Variants in FHIT observed in about 807,000 individuals in gnomAD.
The protein encoded by FHIT is fragile histidine triad diadenosine triphosphatase.
FHIT carries 19 observed loss-of-function variants against 17.9 expected under a neutral mutation model. The observed-to-expected ratio is 1.06, with a 90% CI of 0.74 to 1.56. FHIT has a LOEUF of 1.56. FHIT is among the 40% of genes most tolerant of loss of function. FHIT has a pLI of 0.00. For synonymous variants in FHIT, 81 were observed against 69.7 expected, an observed-to-expected ratio of 1.16 and a Z score of -0.81; for missense variants, 248 against 189.2, an observed-to-expected ratio of 1.31 and a Z score of -1.82.
At chr3:60,041,477 G>C (rs1222158773) in intron 5 of FHIT, among the ~76,000 whole-genome samples, 1 of 152,184 alleles carries the variant, frequency 6.6e-6, no homozygotes, top group African/African-American at 2.4e-5. Flanking sequence ...GCCTTTCGAA[G>C]AAATGCTAAG....
At chr3:60,439,964 T>C (rs553472239) in intron 5 of FHIT, among the ~76,000 whole-genome samples, 2 of 152,154 alleles carry the variant, frequency 1.3e-5, no homozygotes, top group African/African-American at 4.8e-5. Flanking sequence ...CTTTACTCTT[T>C]CTCACCATTT....
chr3:60,921,214 C>G (rs1707262738), intron 3 of FHIT, among the ~76,000 whole-genome samples: 3 of 152,192 alleles, frequency 2.0e-5, no homozygotes, highest in Admixed American at 2.0e-4. Context: ...TTCGGTATGG[C>G]TGAACCATAA....
chr3:61,176,733 A>G (rs2038167404), intron 2 of FHIT, among the ~76,000 whole-genome samples: 1 of 152,182 alleles, frequency 6.6e-6, no homozygotes, highest in Admixed American at 6.5e-5. Flanking sequence ...ACAGAGAAGA[A>G]CTGACATGAT....
Position 60,304,393 on chromosome 3 carries a change from A to G in FHIT, c.103+232467T>C, listed in dbSNP as rs180858743. On this transcript the variant is annotated intron_variant, in intron 5 of 9. Transcript: ENST00000492590. Reference sequence around the variant, plus strand: ...TTGGAGCAAATGACCACCACACCTCAGGAACAAAAGCTTATACTTTCACAT... The same window carrying G: ...TTGGAGCAAATGACCACCACACCTCGGGAACAAAAGCTTATACTTTCACAT... Among the ~76,000 whole-genome samples the G allele has an allele frequency of 2.6e-5, 4 of 152,110 alleles. No homozygotes were observed. The East Asian group carries it at 7.7e-4, about 29-fold the overall frequency.
At chr3:59,948,927 T>C (rs1315474493) in intron 7 of FHIT, among the ~76,000 whole-genome samples, 2 of 152,124 alleles carry the variant, frequency 1.3e-5, no homozygotes, top group East Asian at 3.9e-4. Context: ...TGCAGGTTTG[T>C]TACCTGAGTA....
At chr3:60,552,268 T>C (rs886384417) in intron 4 of FHIT, among the ~76,000 whole-genome samples, 2 of 152,222 alleles carry the variant, frequency 1.3e-5, no homozygotes, top group Non-Finnish European at 2.9e-5. Flanking sequence ...TTTTGGACGT[T>C]TGTGAATAGT....
At chr3:60,569,872 T>C (rs545506361) in intron 4 of FHIT, among the ~76,000 whole-genome samples, 3 of 151,072 alleles carry the variant, frequency 2.0e-5, no homozygotes, top group African/African-American at 7.3e-5. Flanking sequence ...CTGCCTCATA[T>C]ATAGCTGCTT....
At chr3:60,895,936 C>T (rs1214776336) in intron 3 of FHIT, among the ~76,000 whole-genome samples, 1 of 151,788 alleles carries the variant, frequency 6.6e-6, no homozygotes, top group Non-Finnish European at 1.5e-5. Flanking sequence ...TCCCCATCCC[C>T]AACCTCCAGG....
intron 5 of FHIT, among the ~76,000 whole-genome samples, chr3:60,513,886 A>C (rs1014325964): frequency 1.3e-4 from 20 of 152,296 alleles, no homozygotes; most frequent in African/African-American, 4.6e-4. Flanking sequence ...ACGCTCCATG[A>C]GCAGAAGAGC....
chr3:60,703,631 C>G (rs2041299757), intron 4 of FHIT, among the ~76,000 whole-genome samples: 1 of 152,094 alleles, frequency 6.6e-6, no homozygotes, highest in South Asian at 2.1e-4. Flanking sequence ...TTATTTATCT[C>G]AAGTTTTGAT....
chr3:61,043,900 A>C (rs2033652931), intron 2 of FHIT, among the ~76,000 whole-genome samples: 1 of 152,188 alleles, frequency 6.6e-6, no homozygotes. Flanking sequence ...ACTCCAAAAG[A>C]CCTGCAGCTG....
chr3:60,557,850 C>T (rs2107637505), intron 4 of FHIT, among the ~76,000 whole-genome samples: 1 of 152,142 alleles, frequency 6.6e-6, no homozygotes, highest in African/African-American at 2.4e-5. Flanking sequence ...AGTGCAGAAT[C>T]TCTGAGCTCT....
chr3:61,115,638 G>A (rs1310244974), intron 2 of FHIT, among the ~76,000 whole-genome samples: 1 of 152,166 alleles, frequency 6.6e-6, no homozygotes, highest in Non-Finnish European at 1.5e-5. Context: ...GATTTGTGGA[G>A]TGTGGAAATA....
chr3:60,126,115 A>G (rs1705537351), intron 5 of FHIT, among the ~76,000 whole-genome samples: 1 of 152,150 alleles, frequency 6.6e-6, no homozygotes, highest in African/African-American at 2.4e-5. Flanking sequence ...CTGATCTAGC[A>G]GAAAGATCAG....
rs181049866 is a variant in FHIT at position 60,565,819 on chromosome 3, C to T, written c.-17-28840G>A. ...TTCTGCTAGCTTTTGAATGTGTTTG[C>T]TCTTGCTTCTCTAGTTCTTTTAATT... On this transcript the variant is annotated intron_variant, in intron 4 of 9. Transcript: ENST00000492590. Among the ~76,000 whole-genome samples the T allele has an allele frequency of 7.4e-3, 1,129 of 152,186 alleles. 17 individuals carry two copies. The highest frequency in any genetic ancestry group is 0.026 in the African/African-American group (1,079 of 41,520).
chr3:60,819,233 G>C (rs1701845374), intron 4 of FHIT, among the ~76,000 whole-genome samples: 1 of 152,016 alleles, frequency 6.6e-6, no homozygotes, highest in Non-Finnish European at 1.5e-5. Context: ...AGTGACATTT[G>C]AGTTTGGTTT....
chr3:60,162,943 G>A (rs1254978896), intron 5 of FHIT, among the ~76,000 whole-genome samples: 1 of 152,134 alleles, frequency 6.6e-6, no homozygotes, highest in African/African-American at 2.4e-5. Flanking sequence ...AACAAAACTA[G>A]CAAGTTCTTC....
intron 1 of FHIT, among the ~76,000 whole-genome samples, chr3:61,212,869 G>C (rs550571268): frequency 6.6e-6 from 1 of 152,304 alleles, no homozygotes; most frequent in African/African-American, 2.4e-5. Flanking sequence ...TTAAAGGAAA[G>C]AATTTTCAAC....
At chr3:61,197,250 C>A (rs530946186) in intron 2 of FHIT, among the ~76,000 whole-genome samples, 1 of 152,302 alleles carries the variant, frequency 6.6e-6, no homozygotes, top group South Asian at 2.1e-4. Flanking sequence ...CTCAAAACAG[C>A]CCTGTGCAAT....
Sources: allele counts gnomAD v4.1 joint callset (sites outside exome capture counted in the v4.1 genomes callset), GRCh38; gene constraint gnomAD v4.1.1; transcripts MANE v1.5; gene names NCBI Gene and HGNC (gene_info 2026-07-23, HGNC 2026-07-21).